The following OXSR1 variants were observed in gnomAD, a reference collection of about 807,000 sequenced individuals.
OXSR1 encodes the protein serine/threonine-protein kinase OSR1.
Under a neutral mutation model 79.8 loss-of-function variants are expected in OXSR1, and 24 were observed. The observed-to-expected ratio is 0.30, with a 90% CI of 0.22 to 0.42. OXSR1 has a LOEUF of 0.42. Ranked by LOEUF, OXSR1 falls within the 10% of genes least tolerant of loss-of-function variation. The probability of loss-of-function intolerance (pLI) is 1.00; values close to 1 mark genes in which losing one functional copy is unlikely to be tolerated. For synonymous variants in OXSR1, 226 were observed against 209.2 expected, an observed-to-expected ratio of 1.08 and a Z score of -0.69; for missense variants, 430 against 618.4, an observed-to-expected ratio of 0.70 and a Z score of 3.23.
At chr3:38,243,631 C>T (rs1295040013) in intron 12 of OXSR1, among the ~76,000 whole-genome samples, 2 of 152,172 alleles carry the variant, frequency 1.3e-5, no homozygotes, top group Admixed American at 1.3e-4. Context: ...ACTCTTAAAC[C>T]AATTCTATTC....
intron 4 of OXSR1, among the ~76,000 whole-genome samples, chr3:38,202,120 G>C (rs1318641964): frequency 6.6e-6 from 1 of 152,210 alleles, no homozygotes; most frequent in East Asian, 1.9e-4. Flanking sequence ...AGATAGGAGA[G>C]TGGGGTGTCT....
Position 38,178,823 on chromosome 3 carries a change from T to A in OXSR1, c.71-4180T>A, listed in dbSNP as rs142289692. On this transcript the variant is annotated intron_variant, in intron 1 of 17. Transcript: ENST00000311806. ...TTGTAGCACATTAGTATTAGAAATG[T>A]GTTGGCACACTTGAAAGGATTTTTA... 7.1e-4 allele frequency among the ~76,000 whole-genome samples: 108 copies of A among 151,716 alleles called. 2 individuals carry two copies. In the East Asian group the frequency reaches 0.018, roughly 25 times the overall value.
intron 4 of OXSR1, among the ~76,000 whole-genome samples, chr3:38,214,841 G>A (rs1237431227): frequency 6.6e-6 from 1 of 152,156 alleles, no homozygotes; most frequent in Non-Finnish European, 1.5e-5. Context: ...TTCATTGTTT[G>A]CCAAGGAATG....
At chr3:38,185,946 CAAAAAAAAAAAAAAAAA>C (rs71085304) in intron 2 of OXSR1, among the ~76,000 whole-genome samples, 1 of 32,094 alleles carries the variant, frequency 3.1e-5, no homozygotes, top group African/African-American at 1.4e-4. Context: ...GGCCCTGTCT[CAAAAAAAAAAAAAAAAA>C]AAAAAAAAAA....
chr3:38,236,604 T>C (rs1439203312), intron 10 of OXSR1: 2 of 299,226 alleles, frequency 6.7e-6, no homozygotes, highest in African/African-American at 4.3e-5. Context: ...AAAAAGGATT[T>C]TGATGTTTGG....
rs113919536 is a variant in OXSR1, at chr3:38,246,198, G to A, written c.1234G>A (p.Ala412Thr). The change falls in exon 13 of 18, where the codon GCA becomes ACA. Residue 412 changes from alanine to threonine, a missense_variant. This residue lies in a region of OXSR1 where 276 missense variants were observed against 354.2 expected (regional missense o/e 0.78). Transcript: ENST00000311806. ...QPTQVSLPPT[A>T]EPAKTAQALS... ...AACTCAAGTCTCTCTCCCACCCACC[G>A]CAGAGCCAGCAAAAACAGCTCAGGT... is the stretch of plus-strand genomic sequence containing the variant. The A allele has an allele frequency of 1.2e-5, 19 of 1,613,510 alleles. No individual in the cohort carries two copies. The highest frequency in any genetic ancestry group is 3.3e-5 in the South Asian group (3 of 91,072).
chr3:38,208,993 C>CGCGT (rs1449111177), intron 4 of OXSR1, among the ~76,000 whole-genome samples: 1 of 151,140 alleles, frequency 6.6e-6, no homozygotes, highest in African/African-American at 2.5e-5. Context: ...TGTGCGCGCG[C>CGCGT]GCGTGCGCGC....
At chr3:38,196,135 A>G (rs1216722734) in intron 3 of OXSR1, among the ~76,000 whole-genome samples, 1 of 152,180 alleles carries the variant, frequency 6.6e-6, no homozygotes, top group Non-Finnish European at 1.5e-5. Flanking sequence ...GATTATCCCT[A>G]TATACTATTT....
intron 5 of OXSR1, among the ~76,000 whole-genome samples, chr3:38,219,227 A>C (rs1386071102): frequency 6.6e-6 from 1 of 152,128 alleles, no homozygotes; most frequent in African/African-American, 2.4e-5. Context: ...TCACTTGGAA[A>C]CAAGCAGAGG....
chr3:38,171,276 C>T (rs1701576480), intron 1 of OXSR1, among the ~76,000 whole-genome samples: 1 of 152,070 alleles, frequency 6.6e-6, no homozygotes, highest in Admixed American at 6.5e-5. Flanking sequence ...GCTTCCATAC[C>T]AAAATGTTTG....
intron 8 of OXSR1, among the ~76,000 whole-genome samples, chr3:38,226,186 C>T (rs920372245): frequency 3.3e-5 from 5 of 151,900 alleles, no homozygotes; most frequent in Non-Finnish European, 7.4e-5. Context: ...AACATAATGC[C>T]CCACTGTAAT....
intron 4 of OXSR1, among the ~76,000 whole-genome samples, chr3:38,212,167 T>TA (rs1351094921): frequency 1.3e-5 from 2 of 152,188 alleles, no homozygotes; most frequent in African/African-American, 4.8e-5. Flanking sequence ...GACTATTACT[T>TA]AGACTTTAGC....
chr3:38,177,912 A>G (rs1701703625), intron 1 of OXSR1, among the ~76,000 whole-genome samples: 1 of 151,106 alleles, frequency 6.6e-6, no homozygotes, highest in Admixed American at 6.6e-5. Flanking sequence ...ATTGGATTTT[A>G]TTTTAAATTT....
chr3:38,227,335 CCTT>C (rs1316510170), intron 8 of OXSR1, among the ~76,000 whole-genome samples: 4 of 152,032 alleles, frequency 2.6e-5, no homozygotes, highest in African/African-American at 4.8e-5. Flanking sequence ...GGTTAAGTAA[CCTT>C]CTCCAAAGTC....
intron 2 of OXSR1, among the ~76,000 whole-genome samples, chr3:38,186,343 T>C (rs560097118): frequency 7.9e-5 from 12 of 152,350 alleles, no homozygotes; most frequent in African/African-American, 2.9e-4. Flanking sequence ...ATAAAATTCA[T>C]GTATCATAAA....
At chr3:38,241,454 A>T (rs571043004) in intron 11 of OXSR1, among the ~76,000 whole-genome samples, 1 of 152,308 alleles carries the variant, frequency 6.6e-6, no homozygotes, top group South Asian at 2.1e-4. Flanking sequence ...TATAAATTAG[A>T]TAAAAGTATT....
At chr3:38,168,026 G>C (rs1042390458) in intron 1 of OXSR1, among the ~76,000 whole-genome samples, 1 of 151,786 alleles carries the variant, frequency 6.6e-6, no homozygotes, top group Non-Finnish European at 1.5e-5. Context: ...TTCGTGATTT[G>C]TTAATTTGGT....
chr3:38,196,146 C>G (rs1008433883), intron 3 of OXSR1, among the ~76,000 whole-genome samples: 1 of 152,196 alleles, frequency 6.6e-6, no homozygotes, highest in Non-Finnish European at 1.5e-5. Context: ...TATACTATTT[C>G]TTACAAGTTG....
At chr3:38,186,298 TATA>T (rs979043419) in intron 2 of OXSR1, among the ~76,000 whole-genome samples, 2 of 152,240 alleles carry the variant, frequency 1.3e-5, no homozygotes, top group African/African-American at 2.4e-5. Flanking sequence ...AGTTTAGTTT[TATA>T]ATACTTTTTA....
Sources: allele counts gnomAD v4.1 joint callset (sites outside exome capture counted in the v4.1 genomes callset), GRCh38; gene constraint gnomAD v4.1.1; regional missense constraint gnomAD v4.1.1; transcripts MANE v1.5; gene names NCBI Gene and HGNC (gene_info 2026-07-23, HGNC 2026-07-21).